The following VWA8 variants were observed in gnomAD, a reference collection of about 807,000 sequenced individuals.
VWA8 encodes von Willebrand factor A domain-containing protein 8.
Under a neutral mutation model 241.5 loss-of-function variants are expected in VWA8, and 221 were observed. The observed-to-expected ratio is 0.91, with a 90% CI of 0.82 to 1.02. The LOEUF is 1.02. VWA8 is among the 50% of genes least tolerant of loss of function. The pLI, the probability that VWA8 is intolerant of heterozygous loss-of-function variation, is 0.00. For synonymous variants in VWA8, 852 were observed against 827.1 expected, an observed-to-expected ratio of 1.03 and a Z score of -0.52; for missense variants, 2,322 against 2,328.7, an observed-to-expected ratio of 1.00 and a Z score of 0.06.
intron 20 of VWA8, among the ~76,000 whole-genome samples, chr13:41,777,221 G>T (rs1868644564): frequency 6.6e-6 from 1 of 152,154 alleles, no homozygotes; most frequent in African/African-American, 2.4e-5. Context: ...TAGACAAGTT[G>T]CAAAGACAGT....
chr13:41,942,753 A>G (rs941534734), intron 2 of VWA8, among the ~76,000 whole-genome samples: 3 of 152,180 alleles, frequency 2.0e-5, no homozygotes, highest in African/African-American at 7.2e-5. Flanking sequence ...GGCCAGTGGT[A>G]GGAGAGAAGA....
chr13:41,639,559 T>C (rs528333959), intron 37 of VWA8, among the ~76,000 whole-genome samples: 7 of 152,234 alleles, frequency 4.6e-5, no homozygotes, highest in African/African-American at 1.2e-4. Flanking sequence ...CTGAATTACA[T>C]AGTGTGTCTT....
intron 40 of VWA8, among the ~76,000 whole-genome samples, chr13:41,598,162 A>G (rs1056679871): frequency 7.9e-5 from 12 of 152,158 alleles, no homozygotes; most frequent in Non-Finnish European, 1.8e-4. Flanking sequence ...GTCTTTAAAA[A>G]GCATGATTGA....
In VWA8 at chr13:41,887,331, T is replaced by C; in HGVS notation, c.682A>G (p.Lys228Glu). Reference protein sequence around the residue: ...DHTKKELDSWKIVRVSENFRV... With the variant: ...DHTKKELDSWEIVRVSENFRV... ...AAATTTTCACTAACTCGGACAATTT[T>C]CCAAGAATCCAACTCTTTTTTGGTA... Residue 228 changes from lysine to glutamate, a missense_variant, in exon 6 of 45, where the codon AAA (lysine) becomes GAA (glutamate). Transcript: ENST00000379310. The C allele has an allele frequency of 6.2e-7, 1 of 1,612,834 alleles. No individual in the cohort carries two copies. The highest frequency in any genetic ancestry group is 1.3e-5 in the African/African-American group (1 of 74,886).
At chr13:41,865,655 C>G (rs1873254913) in intron 12 of VWA8, 81 bp downstream of exon 12, 4 of 1,488,450 alleles carry the variant, frequency 2.7e-6, no homozygotes, top group Non-Finnish European at 3.7e-6. Context: ...CAGGTCATAA[C>G]AAGAAGATAT....
chr13:41,841,558 A>G (rs559289139), intron 12 of VWA8, among the ~76,000 whole-genome samples: 5 of 150,752 alleles, frequency 3.3e-5, no homozygotes, highest in South Asian at 2.1e-4. Context: ...AGGCCGAGGC[A>G]GGTGGATCAC....
chr13:41,766,879 G>C (rs1429966290), intron 20 of VWA8, among the ~76,000 whole-genome samples: 3 of 152,170 alleles, frequency 2.0e-5, no homozygotes, highest in Admixed American at 6.5e-5. Context: ...TGGAGTCAAA[G>C]ATCAGTCAGT....
At chr13:41,881,890 T>C (rs1874230699) in intron 9 of VWA8, among the ~76,000 whole-genome samples, 1 of 141,552 alleles carries the variant, frequency 7.1e-6, no homozygotes, top group Non-Finnish European at 1.5e-5. Flanking sequence ...ACGGGGCGGC[T>C]GGCCTGGCGG....
At chr13:41,921,864 G>A (rs983968730) in intron 2 of VWA8, among the ~76,000 whole-genome samples, 1 of 152,136 alleles carries the variant, frequency 6.6e-6, no homozygotes, top group Non-Finnish European at 1.5e-5. Context: ...ACTGCCCAAG[G>A]TAATTTATAG....
intron 4 of VWA8, among the ~76,000 whole-genome samples, chr13:41,891,806 T>C (rs962522054): frequency 2.6e-5 from 4 of 152,070 alleles, no homozygotes; most frequent in African/African-American, 7.2e-5. Context: ...AATAAAGGGA[T>C]TGAAAAAAGA....
intron 4 of VWA8, among the ~76,000 whole-genome samples, chr13:41,893,912 A>T (rs1198590531): frequency 3.3e-4 from 50 of 152,182 alleles, no homozygotes; most frequent in Non-Finnish European, 1.5e-5. Flanking sequence ...CATTTCAGTT[A>T]AGGTTTCAAT....
chr13:41,783,695 T>C, intron 19 of VWA8, 100 bp downstream of exon 19: 1 of 833,690 alleles, frequency 1.2e-6, no homozygotes, highest in South Asian at 1.8e-5. Flanking sequence ...AAATTAAATT[T>C]AGGAAATCAC....
chr13:41,793,960 T>C (rs1225898006), intron 17 of VWA8, among the ~76,000 whole-genome samples: 1 of 152,198 alleles, frequency 6.6e-6, no homozygotes, highest in Non-Finnish European at 1.5e-5. Context: ...TGTGTGATCT[T>C]AGAATTTCTG....
At chr13:41,747,978 T>A (rs1382254139) in intron 21 of VWA8, among the ~76,000 whole-genome samples, 1 of 152,224 alleles carries the variant, frequency 6.6e-6, no homozygotes, top group Non-Finnish European at 1.5e-5. Context: ...AGCTTTTTGA[T>A]GTGCTGCTGG....
intron 12 of VWA8, among the ~76,000 whole-genome samples, chr13:41,851,085 T>C (rs992681209): frequency 6.6e-6 from 1 of 152,232 alleles, no homozygotes; most frequent in Non-Finnish European, 1.5e-5. Flanking sequence ...TTATCACCTA[T>C]AATCATTATA....
In VWA8 at chr13:41,826,107, A is replaced by G. The variant is rs571369281; in HGVS notation, c.1700+4422T>C. The stretch of plus-strand genomic sequence containing the variant: ...CATATTTATTTTCAGAAAGACAAAA[A>G]TAAGTTACAACATTAAATTAAGGCT... On this transcript the variant is annotated intron_variant, in intron 14 of 44. Transcript: ENST00000379310. 3.8e-4 allele frequency among the ~76,000 whole-genome samples: 58 copies of G among 152,366 alleles called. 1 individual carries two copies. In the South Asian group the frequency reaches 0.012, roughly 31 times the overall value.
At chr13:41,678,364 G>A (rs2045075035) in intron 35 of VWA8, among the ~76,000 whole-genome samples, 1 of 152,224 alleles carries the variant, frequency 6.6e-6, no homozygotes, top group Non-Finnish European at 1.5e-5. Flanking sequence ...GCCACACACA[G>A]TCTGCATTGG....
At position 41,591,831 on chromosome 13, in the gene VWA8, G is replaced by A. The variant is rs866893080; in HGVS notation, c.4987-1066C>T. ...TCAGGAAACAACAGGTGCTGGAGAG[G>A]ATGCGGAGAAATAGGAACACTTTTA... On this transcript the variant is annotated intron_variant, in intron 40 of 44. Transcript: ENST00000379310. 7.7e-3 allele frequency among the ~76,000 whole-genome samples: 1,139 copies of A among 147,478 alleles called. 15 individuals are homozygous for A. The highest frequency in any genetic ancestry group is 0.028 in the African/African-American group (1,086 of 39,462).
At chr13:41,825,407 T>C (rs542215760) in intron 14 of VWA8, among the ~76,000 whole-genome samples, 42 of 152,296 alleles carry the variant, frequency 2.8e-4, no homozygotes, top group African/African-American at 9.6e-4. Flanking sequence ...ATTGCTACAG[T>C]TGGAACAAGA....
Sources: gnomAD v4.1 joint callset for allele counts (sites outside exome capture counted in the v4.1 genomes callset) on GRCh38, gnomAD v4.1.1 for gene constraint, MANE v1.5 for transcripts, NCBI Gene and HGNC (gene_info 2026-07-23, HGNC 2026-07-21) for gene names.